Variants in TSNARE1 observed in about 807,000 individuals in gnomAD.
TSNARE1 encodes the protein t-SNARE domain-containing protein 1.
A neutral mutation model predicts 62.0 loss-of-function variants in TSNARE1; 49 were observed. That is an observed-to-expected ratio of 0.79 (90% CI 0.63 to 1.00). TSNARE1 has a LOEUF of 1.00. Among genes scored for constraint, TSNARE1 ranks in the 50% least tolerant of loss-of-function variants. The pLI, the probability that TSNARE1 is intolerant of heterozygous loss-of-function variation, is 0.00. For synonymous variants in TSNARE1, 328 were observed against 294.4 expected (o/e 1.11, Z -1.17); for missense variants, 755 against 700.1 (o/e 1.08, Z -0.88).
At chr8:142,270,312 G>A (rs1265642569) in intron 12 of TSNARE1, 1 of 985,324 alleles carries the variant, frequency 1.0e-6, no homozygotes, top group Non-Finnish European at 1.2e-6. Flanking sequence ...GCTGAAAGCA[G>A]CGGTGCCTGC....
At chr8:142,330,771 T>C in intron 6 of TSNARE1, 130 bp downstream of exon 6, 1 of 863,334 alleles carries the variant, frequency 1.2e-6, no homozygotes, top group Non-Finnish European at 1.9e-6. Context: ...TGCGCACATG[T>C]GTGTCCAGGC....
intron 2 of TSNARE1, among the ~76,000 whole-genome samples, chr8:142,354,064 A>G (rs1437697802): frequency 6.6e-6 from 1 of 152,098 alleles, no homozygotes; most frequent in African/African-American, 2.4e-5. Flanking sequence ...GCAGAGCAGG[A>G]GCGGGGGGTT....
At chr8:142,284,549 A>G in intron 10 of TSNARE1, 64 bp from the exon 11 acceptor site, 4 of 1,290,010 alleles carry the variant, frequency 3.1e-6, no homozygotes, top group Non-Finnish European at 3.1e-6. Context: ...AGGGCACCTG[A>G]AAGTTTCCCA....
At chr8:142,353,800 C>T (rs77706711) in intron 2 of TSNARE1, among the ~76,000 whole-genome samples, 268 of 144,684 alleles carry the variant, frequency 1.9e-3, no homozygotes, top group South Asian at 4.8e-3. Context: ...GAGACCTGCC[C>T]GCACAGCTGG....
intron 6 of TSNARE1, chr8:142,326,160 G>A (rs1349959777): frequency 5.7e-6 from 1 of 174,292 alleles, no homozygotes. Context: ...CACCAGCTAA[G>A]GGGAGGGCCC....
In TSNARE1 at chr8:142,330,885, T is replaced by C. The variant is rs769167148; in HGVS notation, c.893+16A>G. 3.0e-5 allele frequency: 48 copies of C among 1,613,610 alleles called. No individual in the cohort carries two copies. In the South Asian group the frequency reaches 5.1e-4, roughly 17 times the overall value. On this transcript the variant is annotated intron_variant, in intron 6 of 13. Coordinates refer to ENST00000524325, the MANE Select transcript of TSNARE1 (RefSeq NM_145003.5). ...ACCACGCCCAGGCAAAGAGATACCATGGCCCACACACTCACAGGCTGTCCC... is the reference window on the plus strand; with the variant it reads ...ACCACGCCCAGGCAAAGAGATACCACGGCCCACACACTCACAGGCTGTCCC...
At chr8:142,300,835 A>G (rs1332747624) in intron 9 of TSNARE1, among the ~76,000 whole-genome samples, 191 bp from the exon 10 acceptor site, 1 of 152,126 alleles carries the variant, frequency 6.6e-6, no homozygotes, top group African/African-American at 2.4e-5. Context: ...TGGGCCTCCC[A>G]GGCGCCGGTC....
intron 4 of TSNARE1, among the ~76,000 whole-genome samples, chr8:142,337,515 C>G (rs534089675): frequency 6.6e-6 from 1 of 152,248 alleles, no homozygotes; most frequent in Non-Finnish European, 1.5e-5. Flanking sequence ...CAGGACTCGG[C>G]GCAACCGTGC....
intron 1 of TSNARE1, among the ~76,000 whole-genome samples, chr8:142,393,484 A>G (rs1283494268): frequency 6.6e-6 from 1 of 152,268 alleles, no homozygotes; most frequent in Non-Finnish European, 1.5e-5. Flanking sequence ...ACCACGGGGA[A>G]AACTGGGTGA....
intron 1 of TSNARE1, among the ~76,000 whole-genome samples, chr8:142,361,820 C>CA (rs1334688452): frequency 2.6e-5 from 4 of 152,204 alleles, no homozygotes; most frequent in African/African-American, 4.8e-5. Flanking sequence ...ACACAGGGAG[C>CA]AGAGGCCTAG....
At chr8:142,216,897 A>G (rs184107380) in intron 13 of TSNARE1, among the ~76,000 whole-genome samples, 60 of 152,256 alleles carry the variant, frequency 3.9e-4, no homozygotes, top group African/African-American at 1.4e-3. Context: ...TTCAGCCCCC[A>G]TCAGAGGGGA....
At chr8:142,284,367 AGGCCCTCGGGGCAGCAGGTG>A in intron 11 of TSNARE1, 26 bp downstream of exon 11, 2 of 1,510,528 alleles carry the variant, frequency 1.3e-6, no homozygotes, top group Non-Finnish European at 1.8e-6. Flanking sequence ...GCTGGCAGGC[AGGCCCTCGGGGCAGCAGGTG>A]GCCCGAGGCT....
In TSNARE1 at chr8:142,227,604, C is replaced by T. The variant is rs534664524; in HGVS notation, c.*11+1869G>A. Reference sequence around the variant, plus strand: ...ATCCAGGATTTTAGTAGCAAGACCTCGGCTGACCCAAATGAGGTAAGGCCA... The same window carrying T: ...ATCCAGGATTTTAGTAGCAAGACCTTGGCTGACCCAAATGAGGTAAGGCCA... On this transcript the variant is annotated intron_variant, in intron 13 of 13. Transcript: ENST00000524325. 4.1e-4 allele frequency among the ~76,000 whole-genome samples: 62 copies of T among 152,368 alleles called. No homozygotes were observed. The South Asian group carries it at 0.012, about 30-fold the overall frequency.
At position 142,331,812 on chromosome 8, in the gene TSNARE1, G is replaced by A. The variant is rs1402975614; in HGVS notation, c.765C>T (p.Cys255=). 2.5e-6 allele frequency: 4 copies of A among 1,608,612 alleles called. No homozygotes were observed. The highest frequency in any genetic ancestry group is 2.7e-5 in the African/African-American group (2 of 74,832). ...EPPRATQVDP[C]NLQELFQEMS... ...TCTCCTGGAACAGCTCCTGGAGGTTGCACGGATCGACCTGGGTGGCTGGGA... is the reference window on the plus strand; with the variant it reads ...TCTCCTGGAACAGCTCCTGGAGGTTACACGGATCGACCTGGGTGGCTGGGA... Residue 255 remains cysteine (C), a synonymous_variant, in exon 5 of 14, where the codon TGC becomes TGT. Coordinates refer to ENST00000524325, the MANE Select transcript of TSNARE1 (RefSeq NM_145003.5).
intron 3 of TSNARE1, 141 bp downstream of exon 3, chr8:142,345,602 G>C: frequency 9.8e-7 from 1 of 1,018,786 alleles, no homozygotes; most frequent in Non-Finnish European, 1.4e-6. Flanking sequence ...GGCCTGGCAG[G>C]GGGCAGGGGA....
At chr8:142,237,050 C>T (rs1313473747) in intron 12 of TSNARE1, among the ~76,000 whole-genome samples, 1 of 152,158 alleles carries the variant, frequency 6.6e-6, no homozygotes, top group Non-Finnish European at 1.5e-5. Flanking sequence ...AAGCCCGGAG[C>T]CAGGGGCCTG....
chr8:142,307,297 G>A (rs1010290834), intron 9 of TSNARE1, among the ~76,000 whole-genome samples: 17 of 152,352 alleles, frequency 1.1e-4, no homozygotes, highest in African/African-American at 3.6e-4. Context: ...AGCAGGTGCT[G>A]CTTTTCTGTG....
At chr8:142,248,944 C>T (rs1818021273) in intron 12 of TSNARE1, among the ~76,000 whole-genome samples, 1 of 152,246 alleles carries the variant, frequency 6.6e-6, no homozygotes, top group African/African-American at 2.4e-5. Flanking sequence ...CTACCCACGC[C>T]TCCTCCACTT....
rs551864193 is a variant in TSNARE1, at chr8:142,370,861, A to C, written c.-39-16098T>G. ...GAAAACAAAAAACAAAAAAAAAAAA[A>C]CCTGCAAGCCAGAATTCTATACCCA... is the stretch of plus-strand genomic sequence containing the variant. On this transcript the variant is annotated intron_variant, in intron 1 of 13. Coordinates refer to ENST00000524325, the MANE Select transcript of TSNARE1 (RefSeq NM_145003.5). 6.6e-4 allele frequency among the ~76,000 whole-genome samples: 100 copies of C among 151,838 alleles called. 1 individual carries two copies. Among genetic ancestry groups the C allele is most frequent in the African/African-American group, 2.3e-3 (97 of 41,478 alleles).
Sources: gnomAD v4.1 joint callset for allele counts (sites outside exome capture counted in the v4.1 genomes callset) on GRCh38, gnomAD v4.1.1 for gene constraint, MANE v1.5 for transcripts, NCBI Gene and HGNC (gene_info 2026-07-23, HGNC 2026-07-21) for gene names.